The following LOXL4 variants were observed in gnomAD, a reference collection of about 807,000 sequenced individuals.
LOXL4 encodes lysyl oxidase like 4.
Under a neutral mutation model 89.1 loss-of-function variants are expected in LOXL4, and 72 were observed. The ratio of observed to expected loss-of-function variants is 0.81; its 90% CI spans 0.67 to 0.98. The LOEUF is 0.98. Among genes scored for constraint, LOXL4 ranks in the 50% least tolerant of loss-of-function variants. LOXL4 has a pLI of 0.00. For synonymous variants in LOXL4, 355 were observed against 392.1 expected (o/e 0.91, Z 1.12); for missense variants, 984 against 1,017.5 (o/e 0.97, Z 0.45).
intron 10 of LOXL4, among the ~76,000 whole-genome samples, chr10:98,255,349 T>C (rs941677809): frequency 5.3e-5 from 8 of 152,238 alleles, no homozygotes; most frequent in African/African-American, 1.7e-4. Flanking sequence ...TCCGTGTCCT[T>C]GTGCTTCCTC....
At chr10:98,256,575 A>G in intron 9 of LOXL4, 1 of 600,678 alleles carries the variant, frequency 1.7e-6, no homozygotes, top group Admixed American at 3.2e-5. Context: ...GCAGATGCAA[A>G]TGTGTCCCTC....
intron 7 of LOXL4, 42 bp from the exon 8 acceptor site, chr10:98,257,846 G>A (rs369944746): frequency 7.5e-6 from 12 of 1,591,846 alleles, no homozygotes; most frequent in South Asian, 2.3e-5. Context: ...CTCCATCTCC[G>A]TAACCCCACA....
chr10:98,265,814 C>CT (rs1858670101), intron 1 of LOXL4, among the ~76,000 whole-genome samples: 1 of 152,222 alleles, frequency 6.6e-6, no homozygotes, highest in Non-Finnish European at 1.5e-5. Flanking sequence ...ATCTCAACTG[C>CT]AAGTCCTTGG....
chr10:98,251,791 C>G lies in LOXL4; in HGVS notation c.1952-89G>C, dbSNP rs995389641. On this transcript the variant is annotated intron_variant, in intron 12 of 14. Transcript: ENST00000260702. ...CCTTTACCAGTTCAGTGTCATCATG[C>G]CCAGTTCACAGATTAAGGACCGTCA... The G allele has an allele frequency of 2.0e-6, 3 of 1,485,412 alleles. No individual in the cohort carries two copies. In the African/African-American group the frequency reaches 4.2e-5, roughly 21 times the overall value. 92.0% of individuals were successfully genotyped at this position (1,485,412 alleles called of 1,614,324 possible).
Position 98,257,786 on chromosome 10 carries a change from AG to A in LOXL4, c.1123del (p.Leu375Ter). 1 of 1,613,446 alleles carries A rather than the reference AG, an allele frequency of 6.2e-7. No homozygotes were observed. The highest frequency in any genetic ancestry group is 2.2e-5 in the East Asian group (1 of 44,872). ...RLGQGLGPIH[L>X]SEVRCRGYER... is the part of the protein sequence containing the mutation. ...ATATCCCCTGCAGCGCACCTCACTCAGGTGGATGGGCCCTAGCCCTAGATGG... is the reference window on the plus strand; with the variant it reads ...ATATCCCCTGCAGCGCACCTCACTCAGTGGATGGGCCCTAGCCCTAGATGG... On this transcript the variant is annotated frameshift_variant, in exon 8 of 15. Transcript: ENST00000260702. LOFTEE classifies it high-confidence loss of function.
rs764304605 is a variant in LOXL4 at position 98,257,976 on chromosome 10, C to T, written c.1105+5G>A. On this transcript the variant is annotated splice_donor_5th_base_variant and intron_variant, in intron 7 of 14. Transcript: ENST00000260702. ...TTCTAACCCCTCCCAGGCTGTCTCA[C>T]TCACCTTGGCCCAGCCGGGCCCCAA... The T allele has an allele frequency of 1.2e-6, 2 of 1,613,494 alleles. No homozygotes were observed. The highest frequency in any genetic ancestry group is 1.7e-5 in the Admixed American group (1 of 60,014).
chr10:98,266,709 TC>T (rs1474763689), intron 1 of LOXL4, among the ~76,000 whole-genome samples: 2 of 152,136 alleles, frequency 1.3e-5, no homozygotes, highest in East Asian at 3.9e-4. Context: ...ACTATAGCCT[TC>T]GTCTCCCAGC....
chr10:98,259,463 G>C (rs1395649599), intron 4 of LOXL4, 34 bp from the exon 5 acceptor site: 1 of 1,601,828 alleles, frequency 6.2e-7, no homozygotes, highest in Middle Eastern at 1.7e-4. Context: ...GAGGTGGAAG[G>C]GGTGTGGAAG....
chr10:98,257,876 A>G, intron 7 of LOXL4, 72 bp from the exon 8 acceptor site: 1 of 1,573,916 alleles, frequency 6.4e-7, no homozygotes, highest in Non-Finnish European at 8.7e-7. Context: ...TCCCCTTCAC[A>G]GAGGGGGATA....
At chr10:98,254,146 T>C (rs779071562) in intron 10 of LOXL4, among the ~76,000 whole-genome samples, 1 of 152,338 alleles carries the variant, frequency 6.6e-6, no homozygotes, top group East Asian at 1.9e-4. Flanking sequence ...ATAATGGTGA[T>C]ATTAATCTGA....
intron 1 of LOXL4, among the ~76,000 whole-genome samples, chr10:98,265,798 C>T (rs1030417350): frequency 3.9e-5 from 6 of 152,196 alleles, no homozygotes; most frequent in African/African-American, 7.2e-5. Flanking sequence ...ATGGAGGCCA[C>T]GTCCGATCTC....
rs376068066 is a variant in LOXL4 at position 98,253,732 on chromosome 10, C to G, written c.1656G>C (p.Pro552=). 1.6e-5 allele frequency: 26 copies of G among 1,614,186 alleles called. No homozygotes were observed. The highest frequency in any genetic ancestry group is 2.2e-5 in the Non-Finnish European group (26 of 1,180,032). The part of the protein sequence containing the change: ...VQETAYLEDR[P]LSQLYCAHEE... ...CGTGGGCACAATACAGCTGGCTGAG[C>G]GGGCGGTCCTCCAAGTAGGCCGTCT... is the stretch of plus-strand genomic sequence containing the variant. The change falls in exon 11 of 15, where the codon CCG becomes CCC. Residue 552 remains proline (P), a synonymous_variant. Transcript: ENST00000260702.
In LOXL4 at chr10:98,262,243, G is replaced by A. The variant is rs760396811; in HGVS notation, c.278-30C>T. On this transcript the variant is annotated intron_variant, in intron 2 of 14. Coordinates refer to ENST00000260702, the MANE Select transcript of LOXL4 (RefSeq NM_032211.7). The stretch of plus-strand genomic sequence containing the variant: ...GGAGTGGAGGTGATGCTCAAAGATG[G>A]CACAGAGAGGCAGGTCACAGGCTCT... The A allele has an allele frequency of 5.0e-6, 8 of 1,609,706 alleles. No homozygotes were observed. The South Asian group carries it at 8.8e-5, about 18-fold the overall frequency.
At chr10:98,266,745 C>T (rs1256321676) in intron 1 of LOXL4, among the ~76,000 whole-genome samples, 2 of 152,150 alleles carry the variant, frequency 1.3e-5, no homozygotes, top group African/African-American at 4.8e-5. Flanking sequence ...TCTCACTGTT[C>T]CTTTCCCTCT....
chr10:98,253,408 A>G, intron 11 of LOXL4, 145 bp downstream of exon 11: 3 of 1,143,194 alleles, frequency 2.6e-6, no homozygotes, highest in East Asian at 2.5e-5. Flanking sequence ...CGCTGTCCTC[A>G]CTGCCTCCTG....
At position 98,251,686 on chromosome 10, in the gene LOXL4, G is replaced by A. The variant is rs766638795; in HGVS notation, c.1968C>T (p.Tyr656=). The A allele has an allele frequency of 1.4e-5, 22 of 1,614,210 alleles. No individual in the cohort carries two copies. Among genetic ancestry groups the A allele is most frequent in the Admixed American group, 5.0e-5 (3 of 60,036 alleles). Reference sequence around the variant, plus strand: ...CCTGTTCTCCAAAGTTGGCACATGCGTAGCGCCGCTGCAGTCCTGTAAGGA... The same window carrying A: ...CCTGTTCTCCAAAGTTGGCACATGCATAGCGCCGCTGCAGTCCTGTAAGGA... ...TNCPTGLQRR[Y]ACANFGEQGV... is the part of the protein sequence containing the mutation. The change falls in exon 13 of 15, where the codon TAC becomes TAT. Residue 656 remains tyrosine (Y), a synonymous_variant. Transcript: ENST00000260702.
chr10:98,260,811 A>G, intron 4 of LOXL4, 111 bp downstream of exon 4: 1 of 1,144,226 alleles, frequency 8.7e-7, no homozygotes. Context: ...ACATGAGTCC[A>G]CACTCAGACT....
intron 3 of LOXL4, 58 bp from the exon 4 acceptor site, chr10:98,261,185 G>A: frequency 1.3e-6 from 2 of 1,546,646 alleles, no homozygotes; most frequent in Non-Finnish European, 1.8e-6. Context: ...AGTGGAGCCT[G>A]CTGCAGATCT....
At chr10:98,252,492 G>C in intron 11 of LOXL4, 24 bp from the exon 12 acceptor site, 1 of 1,535,816 alleles carries the variant, frequency 6.5e-7, no homozygotes, top group African/African-American at 1.4e-5. Context: ...AGAGCTGTCA[G>C]TGCGGCAGCA....
Sources: allele counts gnomAD v4.1 joint callset (sites outside exome capture counted in the v4.1 genomes callset), GRCh38; gene constraint gnomAD v4.1.1; transcripts MANE v1.5; gene names NCBI Gene and HGNC (gene_info 2026-07-23, HGNC 2026-07-21).